GRM8: variants seen among roughly 807,000 people sequenced by gnomAD.
GRM8 encodes metabotropic glutamate receptor 8.
A neutral mutation model predicts 87.2 loss-of-function variants in GRM8; 47 were observed. The ratio of observed to expected loss-of-function variants is 0.54; its 90% CI spans 0.43 to 0.69. The LOEUF (loss-of-function observed/expected upper bound fraction) is 0.69. Ranked by LOEUF, GRM8 falls within the 30% of genes least tolerant of loss-of-function variation. GRM8 has a pLI of 0.00. For synonymous variants in GRM8, 396 were observed against 404.5 expected (o/e 0.98, Z 0.25); for missense variants, 1,019 against 1,139.2 (o/e 0.89, Z 1.52).
At chr7:127,079,362 T>C (rs181724080) in intron 3 of GRM8, among the ~76,000 whole-genome samples, 1 of 152,190 alleles carries the variant, frequency 6.6e-6, no homozygotes, top group Non-Finnish European at 1.5e-5. Context: ...CCCCAGATGA[T>C]CCACCCACCT....
chr7:126,549,547 G>A (rs1406735880), intron 8 of GRM8, among the ~76,000 whole-genome samples: 1 of 152,022 alleles, frequency 6.6e-6, no homozygotes, highest in Admixed American at 6.6e-5. Flanking sequence ...ATTTCTAAAT[G>A]GTTGTAGTTT....
chr7:127,230,965 T>C (rs540412303), intron 2 of GRM8, among the ~76,000 whole-genome samples: 1 of 152,366 alleles, frequency 6.6e-6, no homozygotes, highest in Non-Finnish European at 1.5e-5. Context: ...GACCACACTG[T>C]AGCCCTTTTT....
intron 6 of GRM8, chr7:126,869,015 C>T (rs1798850631): frequency 6.6e-6 from 1 of 152,226 alleles, no homozygotes; most frequent in African/African-American, 2.4e-5. Context: ...TCAATCCTCT[C>T]AAATCTTGCC....
chr7:127,115,274 G>A lies in GRM8; in HGVS notation c.511-8562C>T, dbSNP rs1278925919. Among the ~76,000 whole-genome samples, 4 of 152,240 alleles carry A rather than the reference G, an allele frequency of 2.6e-5. No individual in the cohort carries two copies. In the East Asian group the frequency reaches 5.8e-4, roughly 22 times the overall value. On this transcript the variant is annotated intron_variant, in intron 2 of 10. Transcript: ENST00000339582. ...TGGCAGGCCAAGCAGAAGCTATCTA[G>A]CCCAGGCACCATTAATCATTGCTCA...
intron 3 of GRM8, chr7:127,076,251 A>G (rs1563481765): frequency 4.4e-6 from 2 of 453,964 alleles, no homozygotes; most frequent in Admixed American, 4.7e-5. Context: ...GGACAAGGAA[A>G]GAAAAATGAG....
intron 6 of GRM8, among the ~76,000 whole-genome samples, chr7:126,843,724 C>CAA (rs762183311): frequency 6.6e-6 from 1 of 152,204 alleles, no homozygotes; most frequent in Non-Finnish European, 1.5e-5. Flanking sequence ...AAAAAGGAGT[C>CAA]AATATTTCTG....
chr7:126,706,760 G>A (rs1280370002), intron 7 of GRM8, among the ~76,000 whole-genome samples: 1 of 152,158 alleles, frequency 6.6e-6, no homozygotes, highest in African/African-American at 2.4e-5. Context: ...GTGAACATGA[G>A]TAGTTACAGC....
At chr7:126,901,992 A>G (rs1802127566) in intron 6 of GRM8, among the ~76,000 whole-genome samples, 1 of 149,476 alleles carries the variant, frequency 6.7e-6, no homozygotes, top group African/African-American at 2.5e-5. Flanking sequence ...GAAAATAAAT[A>G]TAGTTTTAAT....
At chr7:126,600,546 T>C (rs1266837576) in intron 8 of GRM8, among the ~76,000 whole-genome samples, 2 of 152,182 alleles carry the variant, frequency 1.3e-5, no homozygotes, top group Non-Finnish European at 2.9e-5. Flanking sequence ...AAATAATCTG[T>C]ACATGAGTGT....
intron 8 of GRM8, among the ~76,000 whole-genome samples, chr7:126,586,091 A>G (rs9691501): frequency 0.31 from 46,898 of 152,002 alleles, 8,105 homozygotes; most frequent in East Asian, 0.44. Flanking sequence ...ACTGCTTCAA[A>G]GAGAATAAAA....
intron 9 of GRM8, among the ~76,000 whole-genome samples, chr7:126,504,324 C>A (rs188668384): frequency 6.6e-6 from 1 of 151,962 alleles, no homozygotes; most frequent in Admixed American, 6.6e-5. Context: ...CTATTAGTTT[C>A]CTATTCTCAT....
intron 7 of GRM8, among the ~76,000 whole-genome samples, chr7:126,658,169 A>G (rs966553099): frequency 4.6e-5 from 7 of 152,220 alleles, no homozygotes; most frequent in Non-Finnish European, 2.9e-5. Context: ...AGTGAAGTTG[A>G]TGGCATAACA....
At chr7:127,216,535 C>CAAAAAAAAA (rs796757040) in intron 2 of GRM8, among the ~76,000 whole-genome samples, 2 of 115,956 alleles carry the variant, frequency 1.7e-5, no homozygotes, top group Admixed American at 9.2e-5. Context: ...AAAAAAAAAA[C>CAAAAAAAAA]AAAAAAAAAA....
chr7:127,122,487 A>G (rs937727178), intron 2 of GRM8, among the ~76,000 whole-genome samples: 2 of 152,170 alleles, frequency 1.3e-5, no homozygotes, highest in Non-Finnish European at 2.9e-5. Flanking sequence ...AAAAATGGAA[A>G]AAGAAAAAAC....
At chr7:127,177,629 C>G (rs967995145) in intron 2 of GRM8, among the ~76,000 whole-genome samples, 8 of 152,204 alleles carry the variant, frequency 5.3e-5, no homozygotes, top group African/African-American at 1.2e-4. Context: ...TGAACAAGCA[C>G]TGGTATCCAT....
chr7:126,589,383 C>A (rs1480896869), intron 8 of GRM8, among the ~76,000 whole-genome samples: 1 of 152,120 alleles, frequency 6.6e-6, no homozygotes. Flanking sequence ...ACCTACATGA[C>A]ACAGCAGAGG....
intron 9 of GRM8, among the ~76,000 whole-genome samples, chr7:126,488,745 T>C (rs920209389): frequency 4.6e-5 from 7 of 151,986 alleles, no homozygotes; most frequent in East Asian, 1.9e-4. Context: ...CCAAACTAGA[T>C]TGTCAGACTT....
intron 8 of GRM8, among the ~76,000 whole-genome samples, chr7:126,566,537 T>C (rs1208184432): frequency 6.6e-6 from 1 of 152,110 alleles, no homozygotes; most frequent in Non-Finnish European, 1.5e-5. Context: ...CAACCAATGT[T>C]GGCAAGCATA....
rs921008189 is a variant in GRM8, at chr7:126,938,887, T to C, written c.728-34204A>G. 2.6e-5 allele frequency among the ~76,000 whole-genome samples: 4 copies of C among 152,148 alleles called. No individual in the cohort carries two copies. In the East Asian group the frequency reaches 5.8e-4, roughly 22 times the overall value. On this transcript the variant is annotated intron_variant, in intron 3 of 10. Transcript: ENST00000339582. The stretch of plus-strand genomic sequence containing the variant: ...ATTCTGAAAACAGATGGATCGTTTA[T>C]ACATCCTAGTTCTCCCAATTACAGG...
Sources: gnomAD v4.1 joint callset for allele counts (sites outside exome capture counted in the v4.1 genomes callset) on GRCh38, gnomAD v4.1.1 for gene constraint, MANE v1.5 for transcripts, NCBI Gene and HGNC (gene_info 2026-07-23, HGNC 2026-07-21) for gene names.